The following PDE11A variants were observed in gnomAD, a reference collection of about 807,000 sequenced individuals.
PDE11A encodes dual 3',5'-cyclic-AMP and -GMP phosphodiesterase 11A.
In PDE11A, 100 loss-of-function variants were observed where a neutral mutation model predicts 100.5. That is an observed-to-expected ratio of 1.00 (90% CI 0.85 to 1.18). The LOEUF (loss-of-function observed/expected upper bound fraction) is 1.18, where lower values mean the gene tolerates loss of function less well. Ranked by LOEUF, PDE11A falls within the 50% of genes most tolerant of loss-of-function variation. The probability of loss-of-function intolerance (pLI) is 0.00; values close to 1 mark genes in which losing one functional copy is unlikely to be tolerated. For missense variants in PDE11A, 1,141 were observed against 1,152.6 expected, an observed-to-expected ratio of 0.99 and a Z score of 0.15; for synonymous variants, 381 against 420.8, an observed-to-expected ratio of 0.91 and a Z score of 1.16.
intron 1 of PDE11A, among the ~76,000 whole-genome samples, chr2:178,041,246 T>A (rs751142442): frequency 1.1e-3 from 151 of 135,862 alleles, no homozygotes; most frequent in South Asian, 4.4e-3. Context: ...AGCTCAGAAA[T>A]TTTTTTTTTT....
chr2:177,785,918 G>T (rs2082529752), intron 9 of PDE11A, among the ~76,000 whole-genome samples: 2 of 152,248 alleles, frequency 1.3e-5, no homozygotes, highest in Non-Finnish European at 2.9e-5. Context: ...CACAGCTCAA[G>T]GAGGCCTGCC....
intron 2 of PDE11A, among the ~76,000 whole-genome samples, chr2:177,914,020 C>T (rs1350652766): frequency 1.3e-5 from 2 of 152,164 alleles, no homozygotes; most frequent in Non-Finnish European, 2.9e-5. Flanking sequence ...TTTACCCCAA[C>T]TCATACAACA....
rs13408844 is a variant in PDE11A at position 177,956,766 on chromosome 2, T to C, written c.1072-51579A>G. ...TGAGTTCATGTCTTTTGTAGGGACA[T>C]GGATGGAACTGGAAACCATCATTCT... On this transcript the variant is annotated intron_variant, in intron 2 of 19. Transcript: ENST00000286063. Among the ~76,000 whole-genome samples, 1,478 of 152,266 alleles carry C rather than the reference T, an allele frequency of 9.7e-3. 19 individuals are homozygous for C. The highest frequency in any genetic ancestry group is 0.034 in the African/African-American group (1,408 of 41,534).
chr2:177,690,229 TTATAATAA>T (rs1181330626), intron 15 of PDE11A, among the ~76,000 whole-genome samples: 6 of 152,352 alleles, frequency 3.9e-5, no homozygotes, highest in Non-Finnish European at 8.8e-5. Flanking sequence ...TGACCTAATG[TTATAATAA>T]TATATAATTT....
At chr2:177,853,143 G>T (rs1272920874) in intron 5 of PDE11A, among the ~76,000 whole-genome samples, 2 of 89,332 alleles carry the variant, frequency 2.2e-5, no homozygotes, top group East Asian at 3.3e-4. Context: ...TGGTTTTTTT[G>T]TTGTTGTTGT....
chr2:177,732,759 T>C (rs536045289), intron 10 of PDE11A, among the ~76,000 whole-genome samples: 21 of 152,344 alleles, frequency 1.4e-4, no homozygotes, highest in Admixed American at 7.2e-4. Context: ...CTTGTCTTTT[T>C]TTCCCCTAAT....
At chr2:178,073,513 A>C (rs2087165910), upstream of PDE11A, among the ~76,000 whole-genome samples, 1 of 152,234 alleles carries the variant, frequency 6.6e-6, no homozygotes, top group Admixed American at 6.5e-5. Context: ...GCTAGGAGAC[A>C]GTAAACCAAG....
intron 2 of PDE11A, among the ~76,000 whole-genome samples, chr2:177,947,576 G>A (rs1300910649): frequency 4.0e-5 from 6 of 151,874 alleles, no homozygotes; most frequent in Admixed American, 1.3e-4. Flanking sequence ...CAGCATGCTC[G>A]TTAAGAGTCA....
intron 17 of PDE11A, among the ~76,000 whole-genome samples, chr2:177,671,024 T>G (rs1350725281): frequency 6.6e-6 from 1 of 152,204 alleles, no homozygotes; most frequent in Non-Finnish European, 1.5e-5. Flanking sequence ...GCTTCTCTCT[T>G]CTTTCTCTGG....
chr2:177,910,749 T>C (rs1254892635), intron 2 of PDE11A, among the ~76,000 whole-genome samples: 1 of 152,214 alleles, frequency 6.6e-6, no homozygotes, highest in African/African-American at 2.4e-5. Context: ...CTCATTAAAC[T>C]ATCACTAATA....
At chr2:178,105,599 TTAAAA>T (rs1376586355) in intron 1 of PDE11A, 1 of 392,088 alleles carries the variant, frequency 2.6e-6, no homozygotes, top group Non-Finnish European at 4.5e-6. Context: ...GATGTAAAAA[TTAAAA>T]TAAGTTCAAA....
chr2:177,771,890 T>C (rs1361728274), intron 9 of PDE11A, among the ~76,000 whole-genome samples: 1 of 152,048 alleles, frequency 6.6e-6, no homozygotes, highest in Non-Finnish European at 1.5e-5. Context: ...TAATCCCAGC[T>C]ACTTGGGAGG....
At chr2:177,803,663 A>G (rs137936162) in intron 9 of PDE11A, among the ~76,000 whole-genome samples, 60 of 152,236 alleles carry the variant, frequency 3.9e-4, no homozygotes, top group African/African-American at 1.4e-3. Context: ...CAAATCAACA[A>G]GTGTGATACA....
chr2:177,775,831 G>C (rs1213632778), intron 9 of PDE11A, among the ~76,000 whole-genome samples: 1 of 152,088 alleles, frequency 6.6e-6, no homozygotes, highest in African/African-American at 2.4e-5. Context: ...TTAAGTGGCT[G>C]TTTCCTTCAT....
intron 4 of PDE11A, among the ~76,000 whole-genome samples, chr2:177,879,631 A>C (rs1482483870): frequency 6.6e-6 from 1 of 152,194 alleles, no homozygotes; most frequent in Non-Finnish European, 1.5e-5. Flanking sequence ...TTAAGAAAAC[A>C]AATGTGAGAA....
chr2:177,940,136 C>G (rs560145713), intron 2 of PDE11A, among the ~76,000 whole-genome samples: 2 of 151,888 alleles, frequency 1.3e-5, no homozygotes, highest in African/African-American at 4.8e-5. Context: ...ATAGGATCGT[C>G]CAGAAGTGAA....
intron 16 of PDE11A, among the ~76,000 whole-genome samples, chr2:177,679,048 C>T (rs73042842): frequency 7.0e-6 from 1 of 143,252 alleles, no homozygotes; most frequent in Non-Finnish European, 1.5e-5. Context: ...AATCCAGAAG[C>T]GTATATGGCT....
chr2:177,730,890 G>T (rs1646681688), intron 10 of PDE11A, among the ~76,000 whole-genome samples: 2 of 151,998 alleles, frequency 1.3e-5, no homozygotes, highest in African/African-American at 4.8e-5. Flanking sequence ...CAGATCTCTA[G>T]AACTTTTTCA....
chr2:178,104,327 A>T (rs184939802), exon 2 of PDE11A: 16 of 1,614,118 alleles, frequency 9.9e-6, no homozygotes, highest in Middle Eastern at 1.7e-4. Context: ...CCTCTGTATA[A>T]GAAAATCCTG....
Sources: allele counts gnomAD v4.1 joint callset (sites outside exome capture counted in the v4.1 genomes callset), GRCh38; gene constraint gnomAD v4.1.1; transcripts MANE v1.5; gene names NCBI Gene and HGNC (gene_info 2026-07-23, HGNC 2026-07-21).